IL1RAPL1: variants seen among roughly 807,000 people sequenced by gnomAD.
IL1RAPL1 encodes the protein interleukin-1 receptor accessory protein-like 1.
Under a neutral mutation model 48.4 loss-of-function variants are expected in IL1RAPL1, and 3 were observed. That is an observed-to-expected ratio of 0.06 (90% CI 0.03 to 0.16). The LOEUF (loss-of-function observed/expected upper bound fraction) is 0.16. Ranked by LOEUF, IL1RAPL1 falls within the 10% of genes least tolerant of loss-of-function variation. IL1RAPL1 has a pLI of 1.00. For missense variants in IL1RAPL1, 349 were observed against 530.6 expected (o/e 0.66, Z 3.36); for synonymous variants, 185 against 187.7 (o/e 0.99, Z 0.12).
intron 2 of IL1RAPL1, among the ~76,000 whole-genome samples, chrX:29,171,918 C>T (rs1929916318): frequency 8.9e-6 from 1 of 111,978 alleles, no homozygotes; most frequent in Admixed American, 9.5e-5. Flanking sequence ...GGCTTCTTAA[C>T]TGAGAGAATG....
intron 2 of IL1RAPL1, among the ~76,000 whole-genome samples, chrX:29,077,155 G>A (rs1927695710): frequency 8.9e-6 from 1 of 112,406 alleles, no homozygotes; most frequent in Non-Finnish European, 1.9e-5. Flanking sequence ...ACTGTGTACA[G>A]ACAGATTGTG....
At chrX:28,614,560 G>C (rs1455855892) in intron 1 of IL1RAPL1, among the ~76,000 whole-genome samples, 2 of 111,402 alleles carry the variant, frequency 1.8e-5, no homozygotes, top group Non-Finnish European at 3.8e-5. Flanking sequence ...GTCATGTTCA[G>C]TGCAAGTGTG....
intron 1 of IL1RAPL1, among the ~76,000 whole-genome samples, chrX:28,745,479 TA>T (rs2146954979): frequency 8.9e-6 from 1 of 111,893 alleles, no homozygotes; most frequent in East Asian, 2.8e-4. Flanking sequence ...GGAAGGGGAA[TA>T]AAAGGGATTT....
Position 29,955,754 on chromosome X carries a change from C to G in IL1RAPL1, c.2025C>G (p.Ala675=). ...GCAGGGAGCAGAATCCAGATGAGGC[C>G]CACACAAACAGTGCCATCCTGCCGC... ...KSSREQNPDE[A]HTNSAILPLL... The change falls in exon 11 of 11, where the codon GCC becomes GCG. Residue 675 remains alanine, a synonymous_variant. Coordinates refer to ENST00000378993, the MANE Select transcript of IL1RAPL1 (RefSeq NM_014271.4). The G allele has an allele frequency of 8.3e-7, 1 of 1,211,381 alleles. No individual in the cohort carries two copies. The highest frequency in any genetic ancestry group is 3.0e-5 in the East Asian group (1 of 33,809).
At chrX:29,373,121 C>CTAATTTTTT (rs1569297269) in intron 3 of IL1RAPL1, among the ~76,000 whole-genome samples, 1 of 110,841 alleles carries the variant, frequency 9.0e-6, no homozygotes, top group Admixed American at 9.6e-5. Flanking sequence ...TTTAGTTCTC[C>CTAATTTTTT]TTGTAGAGAT....
In IL1RAPL1 at chrX:28,802,137, A is replaced by G. The variant is rs776114390; in HGVS notation, c.82+12712A>G. Among the ~76,000 whole-genome samples the G allele has an allele frequency of 1.7e-4, 19 of 112,153 alleles. No homozygotes were observed. In the South Asian group the frequency reaches 7.0e-3, roughly 41 times the overall value. The stretch of plus-strand genomic sequence containing the variant: ...TTAGCTTAAAACAAAGGTTCTGTTA[A>G]GAGAAAAAAAAATTAGTTTTTATTT... On this transcript the variant is annotated intron_variant, in intron 2 of 10. Coordinates refer to ENST00000378993, the MANE Select transcript of IL1RAPL1 (RefSeq NM_014271.4).
intron 6 of IL1RAPL1, among the ~76,000 whole-genome samples, chrX:29,851,694 C>T (rs1187325221): frequency 9.0e-6 from 1 of 111,495 alleles, no homozygotes; most frequent in Admixed American, 9.5e-5. Context: ...ATAGGTCACT[C>T]TCAGACATGC....
intron 3 of IL1RAPL1, among the ~76,000 whole-genome samples, chrX:29,344,129 A>T: frequency 8.9e-6 from 1 of 112,274 alleles, no homozygotes; most frequent in East Asian, 2.8e-4. Flanking sequence ...TGTTGTTTCC[A>T]AATGCAAGTT....
chrX:28,643,926 A>G (rs943418406), intron 1 of IL1RAPL1, among the ~76,000 whole-genome samples: 1 of 111,720 alleles, frequency 9.0e-6, no homozygotes, highest in African/African-American at 3.3e-5. Flanking sequence ...TTACAAACAC[A>G]TTCTTGGCAA....
At chrX:29,308,295 C>T (rs928788635) in intron 3 of IL1RAPL1, among the ~76,000 whole-genome samples, 2 of 111,455 alleles carry the variant, frequency 1.8e-5, no homozygotes, top group African/African-American at 6.5e-5. Flanking sequence ...GTCTTAGCCA[C>T]CAGAGCCAGA....
chrX:28,872,516 C>T (rs1348159885), intron 2 of IL1RAPL1, among the ~76,000 whole-genome samples: 9 of 112,242 alleles, frequency 8.0e-5, no homozygotes, highest in Non-Finnish European at 3.8e-5. Flanking sequence ...AAAAATCAGG[C>T]CAACTCTGGG....
rs182038214 is a variant in IL1RAPL1 at position 28,745,397 on chromosome X, A to G, written c.-24-43923A>G. On this transcript the variant is annotated intron_variant, in intron 1 of 10. Transcript: ENST00000378993. ...AATCAAAGATGAATTATGGGTTTTT[A>G]ACTTGATTGACTTGTTGGCTCATGG... Among the ~76,000 whole-genome samples, 6 of 111,860 alleles carry G rather than the reference A, an allele frequency of 5.4e-5. No individual in the cohort carries two copies. In the Admixed American group the frequency reaches 5.7e-4, roughly 11 times the overall value.
intron 2 of IL1RAPL1, among the ~76,000 whole-genome samples, chrX:28,932,889 C>T (rs973735152): frequency 9.0e-6 from 1 of 110,585 alleles, no homozygotes; most frequent in Non-Finnish European, 1.9e-5. Context: ...TTTCAAAATG[C>T]CAAAGTTATC....
At chrX:29,055,489 G>T (rs1424071468) in intron 2 of IL1RAPL1, among the ~76,000 whole-genome samples, 1 of 111,570 alleles carries the variant, frequency 9.0e-6, no homozygotes, top group Non-Finnish European at 1.9e-5. Flanking sequence ...AATAGGACTT[G>T]AAAAACATAC....
intron 2 of IL1RAPL1, among the ~76,000 whole-genome samples, chrX:29,039,227 G>C (rs1271615940): frequency 9.0e-6 from 1 of 111,466 alleles, no homozygotes; most frequent in Non-Finnish European, 1.9e-5. Context: ...CACTGGTCAA[G>C]GAAGCATACA....
chrX:28,612,040 T>C (rs1237974054), intron 1 of IL1RAPL1, among the ~76,000 whole-genome samples: 1 of 111,921 alleles, frequency 8.9e-6, no homozygotes, highest in Non-Finnish European at 1.9e-5. Context: ...AGTTGAGGAA[T>C]TGCACCAGAA....
chrX:29,473,315 C>T (rs1015472737), intron 5 of IL1RAPL1, among the ~76,000 whole-genome samples: 9 of 111,569 alleles, frequency 8.1e-5, no homozygotes, highest in African/African-American at 2.9e-4. Context: ...TCTGTAATGA[C>T]GTTATTTCCA....
intron 6 of IL1RAPL1, among the ~76,000 whole-genome samples, chrX:29,793,689 C>G (rs1177228616): frequency 8.9e-6 from 1 of 111,901 alleles, no homozygotes; most frequent in Non-Finnish European, 1.9e-5. Context: ...TTCTAACTCT[C>G]AGGAGGCACT....
chrX:29,344,361 T>G (rs1294065145), intron 3 of IL1RAPL1, among the ~76,000 whole-genome samples: 1 of 112,323 alleles, frequency 8.9e-6, no homozygotes, highest in Non-Finnish European at 1.9e-5. Flanking sequence ...GGAATTATAT[T>G]TTAACATCAT....
Sources: allele counts gnomAD v4.1 joint callset (sites outside exome capture counted in the v4.1 genomes callset), GRCh38; gene constraint gnomAD v4.1.1; transcripts MANE v1.5; gene names NCBI Gene and HGNC (gene_info 2026-07-23, HGNC 2026-07-21).